The following LRP6 variants were observed in gnomAD, a reference collection of about 807,000 sequenced individuals.
The protein encoded by LRP6 is LDL receptor related protein 6.
A neutral mutation model predicts 184.1 loss-of-function variants in LRP6; 43 were observed. The observed-to-expected ratio is 0.23, with a 90% CI of 0.18 to 0.30. The LOEUF is 0.30. Among genes scored for constraint, LRP6 ranks in the 10% least tolerant of loss-of-function variants. The pLI, the probability that LRP6 is intolerant of heterozygous loss-of-function variation, is 1.00. For synonymous variants in LRP6, 719 were observed against 684.9 expected, an observed-to-expected ratio of 1.05 and a Z score of -0.78; for missense variants, 1,571 against 2,005.3, an observed-to-expected ratio of 0.78 and a Z score of 4.14.
chr12:12,249,401 C>T, intron 1 of LRP6: 1 of 865,314 alleles, frequency 1.2e-6, no homozygotes, highest in Non-Finnish European at 2.0e-6. Context: ...ACTCCCTCAG[C>T]CACCTCAAGG....
intron 2 of LRP6, among the ~76,000 whole-genome samples, chr12:12,215,397 T>TA (rs1864315514): frequency 6.6e-6 from 1 of 152,148 alleles, no homozygotes; most frequent in African/African-American, 2.4e-5. Context: ...CTAATGGCCT[T>TA]AATCAGTAAG....
chr12:12,263,010 T>C (rs1022093083), intron 1 of LRP6, among the ~76,000 whole-genome samples: 1 of 151,176 alleles, frequency 6.6e-6, no homozygotes, highest in African/African-American at 2.4e-5. Flanking sequence ...TCCCAGCACT[T>C]TGGGAGGCCG....
intron 15 of LRP6, among the ~76,000 whole-genome samples, chr12:12,144,052 T>C (rs923976856): frequency 2.0e-5 from 3 of 152,312 alleles, no homozygotes; most frequent in African/African-American, 7.2e-5. Context: ...CTGTACTACA[T>C]TAAAATTAGG....
intron 2 of LRP6, among the ~76,000 whole-genome samples, chr12:12,236,009 A>G (rs551589252): frequency 1.9e-3 from 285 of 152,192 alleles, no homozygotes; most frequent in African/African-American, 6.3e-3. Context: ...GCGGATCACC[A>G]GGTCAGGAGA....
intron 2 of LRP6, among the ~76,000 whole-genome samples, chr12:12,230,531 T>C (rs1864756591): frequency 6.6e-6 from 1 of 152,164 alleles, no homozygotes; most frequent in Admixed American, 6.5e-5. Flanking sequence ...CCCAGATCTA[T>C]ACTAGATCAT....
intron 12 of LRP6, among the ~76,000 whole-genome samples, chr12:12,153,670 A>G (rs1305188196): frequency 6.6e-6 from 1 of 152,214 alleles, no homozygotes; most frequent in Non-Finnish European, 1.5e-5. Context: ...TGCCATTTTA[A>G]AAGCCTAAAT....
intron 1 of LRP6, among the ~76,000 whole-genome samples, chr12:12,258,349 G>A (rs974523885): frequency 5.3e-5 from 8 of 152,024 alleles, no homozygotes; most frequent in African/African-American, 1.7e-4. Context: ...TGATCCTCTC[G>A]CCTTGGCCTC....
Position 12,150,846 on chromosome 12 carries a change from T to C in LRP6, c.2984A>G (p.Asp995Gly). The C allele has an allele frequency of 6.2e-7, 1 of 1,613,698 alleles. No individual in the cohort carries two copies. Among genetic ancestry groups the C allele is most frequent in the Non-Finnish European group, 8.5e-7 (1 of 1,179,988 alleles). ...CAAGCTCTCAATTACCTGGCTGCCA[T>C]CTTCTTGTGCCTTTCGGATCATGTT... is the stretch of plus-strand genomic sequence containing the variant. Reference protein sequence around the residue: ...RQNMIRKAQEDGSQGFTVVVS... With the variant: ...RQNMIRKAQEGGSQGFTVVVS... Residue 995 changes from aspartate to glycine, a missense_variant, in exon 13 of 23, where the codon GAT becomes GGT. This residue lies in a region of LRP6 where 763 missense variants were observed against 859.5 expected (regional missense o/e 0.89). Coordinates refer to ENST00000261349, the MANE Select transcript of LRP6 (RefSeq NM_002336.3).
At chr12:12,180,003 G>A (rs1208171427) in intron 6 of LRP6, 22 bp from the exon 7 acceptor site, 6 of 1,601,296 alleles carry the variant, frequency 3.7e-6, no homozygotes, top group African/African-American at 1.3e-5. Context: ...TACAAAAAAT[G>A]AGCTAAAAAT....
At chr12:12,180,115 AC>A (rs1320822659) in intron 6 of LRP6, 134 bp from the exon 7 acceptor site, 22 of 692,826 alleles carry the variant, frequency 3.2e-5, no homozygotes, top group Non-Finnish European at 4.4e-5. Context: ...AAAAAAAAAA[AC>A]ATATGAAGAG....
chr12:12,154,522 G>C (rs1950125199), intron 12 of LRP6, among the ~76,000 whole-genome samples: 2 of 152,138 alleles, frequency 1.3e-5, no homozygotes, highest in East Asian at 3.9e-4. Flanking sequence ...CATGTAATAG[G>C]TGCTTGATAA....
chr12:12,152,187 T>C (rs887390941), intron 12 of LRP6, among the ~76,000 whole-genome samples: 1 of 152,100 alleles, frequency 6.6e-6, no homozygotes, highest in Non-Finnish European at 1.5e-5. Flanking sequence ...TTTGCTTCTT[T>C]CTCATTTGTC....
At chr12:12,182,771 GC>G (rs1406531633) in intron 5 of LRP6, among the ~76,000 whole-genome samples, 1 of 152,212 alleles carries the variant, frequency 6.6e-6, no homozygotes, top group Non-Finnish European at 1.5e-5. Flanking sequence ...ACCAAAAGGA[GC>G]CAGCCTAGAA....
intron 2 of LRP6, among the ~76,000 whole-genome samples, chr12:12,228,459 A>G (rs1413029118): frequency 6.6e-6 from 1 of 152,240 alleles, no homozygotes; most frequent in African/African-American, 2.4e-5. Flanking sequence ...ACCCAGCAGC[A>G]GAATGAGTCT....
intron 12 of LRP6, among the ~76,000 whole-genome samples, chr12:12,157,716 T>C (rs1591896832): frequency 6.6e-6 from 1 of 152,228 alleles, no homozygotes; most frequent in Non-Finnish European, 1.5e-5. Context: ...TTACCTCTAA[T>C]ATCCTTAGCA....
chr12:12,217,663 G>C (rs1041111587), intron 2 of LRP6, among the ~76,000 whole-genome samples: 3 of 152,104 alleles, frequency 2.0e-5, no homozygotes, highest in African/African-American at 7.2e-5. Flanking sequence ...AATCAAGACA[G>C]TGTGATACTA....
At chr12:12,172,837 C>A (rs977673908) in intron 7 of LRP6, among the ~76,000 whole-genome samples, 4 of 152,026 alleles carry the variant, frequency 2.6e-5, no homozygotes, top group Non-Finnish European at 5.9e-5. Context: ...TGCTTTGGAC[C>A]CAGTAGGTGA....
At chr12:12,209,772 T>A (rs142483988) in intron 2 of LRP6, among the ~76,000 whole-genome samples, 1 of 152,192 alleles carries the variant, frequency 6.6e-6, no homozygotes, top group Non-Finnish European at 1.5e-5. Context: ...CTAAGCACCA[T>A]GCCTGATACA....
At chr12:12,226,312 G>A (rs558587144) in intron 2 of LRP6, among the ~76,000 whole-genome samples, 1 of 152,102 alleles carries the variant, frequency 6.6e-6, no homozygotes, top group South Asian at 2.1e-4. Flanking sequence ...CATACTAAAA[G>A]ACAAAAAAGC....
Sources: allele counts gnomAD v4.1 joint callset (sites outside exome capture counted in the v4.1 genomes callset), GRCh38; gene constraint gnomAD v4.1.1; regional missense constraint gnomAD v4.1.1; transcripts MANE v1.5; gene names NCBI Gene and HGNC (gene_info 2026-07-23, HGNC 2026-07-21).